The following PCDH15 variants were observed in gnomAD, a reference collection of about 807,000 sequenced individuals.
The protein encoded by PCDH15 is protocadherin related 15.
Under a neutral mutation model 178.5 loss-of-function variants are expected in PCDH15, and 129 were observed. The observed-to-expected ratio is 0.72, with a 90% CI of 0.63 to 0.84. PCDH15 has a LOEUF of 0.84. Among genes scored for constraint, PCDH15 ranks in the 40% least tolerant of loss-of-function variants. PCDH15 has a pLI of 0.00. For missense variants in PCDH15, 2,230 were observed against 2,099.9 expected, an observed-to-expected ratio of 1.06 and a Z score of -1.21; for synonymous variants, 800 against 732.0, an observed-to-expected ratio of 1.09 and a Z score of -1.50.
intron 32 of PCDH15, chr10:53,825,026 C>A: frequency 7.8e-7 from 1 of 1,286,966 alleles, no homozygotes; most frequent in Non-Finnish European, 1.0e-6. Flanking sequence ...GTAAGTGAGT[C>A]TGTGGCAAAA....
At chr10:55,612,190 A>G (rs1162882749) in intron 2 of PCDH15, among the ~76,000 whole-genome samples, 1 of 152,088 alleles carries the variant, frequency 6.6e-6, no homozygotes, top group African/African-American at 2.4e-5. Flanking sequence ...TTCTCACCAT[A>G]AAGTAATGAT....
chr10:55,543,379 G>GTATATATA (rs5785142), intron 2 of PCDH15, among the ~76,000 whole-genome samples: 2,381 of 146,900 alleles, frequency 0.016, 48 homozygotes, highest in Admixed American at 0.062. Flanking sequence ...TATAATGCCT[G>GTATATATA]TATATATATA....
intron 3 of PCDH15, among the ~76,000 whole-genome samples, chr10:54,490,306 T>A (rs1209559488): frequency 6.6e-6 from 1 of 151,696 alleles, no homozygotes; most frequent in Non-Finnish European, 1.5e-5. Context: ...AAAAATTAGA[T>A]GGGCGTGGTG....
At chr10:55,181,688 T>A (rs1311758972) in intron 1 of PCDH15, among the ~76,000 whole-genome samples, 1 of 152,016 alleles carries the variant, frequency 6.6e-6, no homozygotes. Context: ...ATTTTGTGTA[T>A]AAATGCATAT....
chr10:54,986,474 T>C (rs1409418951), intron 2 of PCDH15, among the ~76,000 whole-genome samples: 2 of 152,192 alleles, frequency 1.3e-5, no homozygotes, highest in African/African-American at 2.4e-5. Flanking sequence ...ACTCTGAAAA[T>C]TCAAAATAAA....
At chr10:55,138,101 T>C (rs4935578) in intron 2 of PCDH15, among the ~76,000 whole-genome samples, 28,447 of 152,186 alleles carry the variant, frequency 0.19, 3,244 homozygotes, top group Non-Finnish European at 0.26. Context: ...GAGGGTATTC[T>C]TGCTGCTATA....
chr10:54,243,326 G>A (rs1254883235), intron 8 of PCDH15, among the ~76,000 whole-genome samples: 1 of 152,134 alleles, frequency 6.6e-6, no homozygotes, highest in East Asian at 1.9e-4. Flanking sequence ...GGCTAACACG[G>A]TGAAACCCCT....
intron 18 of PCDH15, among the ~76,000 whole-genome samples, chr10:54,026,382 T>G (rs2093093945): frequency 6.6e-6 from 1 of 152,082 alleles, no homozygotes; most frequent in South Asian, 2.1e-4. Flanking sequence ...ATAGGAGTTT[T>G]TAGAGAAAAT....
At position 54,008,720 on chromosome 10, in the gene PCDH15, T is replaced by A. The variant is rs983316232; in HGVS notation, c.2751+11472A>T. On this transcript the variant is annotated intron_variant, in intron 20 of 37. Coordinates refer to ENST00000644397, the MANE Select transcript of PCDH15 (RefSeq NM_001384140.1). ...GGGGAAATGTCATTAATAGCAAGTCTTTTTTTTCTCTTCTTTGTCCAAAAT... is the reference window on the plus strand; with the variant it reads ...GGGGAAATGTCATTAATAGCAAGTCATTTTTTTCTCTTCTTTGTCCAAAAT... 2.4e-3 allele frequency among the ~76,000 whole-genome samples: 27 copies of A among 11,098 alleles called. No homozygotes were observed. The African/African-American group carries it at 0.027, about 11-fold the overall frequency. The allele number at this position is 11,098 out of a possible 152,430, so 7.3% of individuals were successfully genotyped here. A position where few individuals can be genotyped will look rare whatever the true frequency, so the allele number is the denominator to read the frequency against.
At chr10:54,958,859 A>G (rs531845463) in intron 2 of PCDH15, among the ~76,000 whole-genome samples, 1 of 151,902 alleles carries the variant, frequency 6.6e-6, no homozygotes, top group Admixed American at 6.6e-5. Flanking sequence ...CCCAACATGC[A>G]TATTAAAATG....
intron 28 of PCDH15, among the ~76,000 whole-genome samples, chr10:53,856,163 G>C (rs898328393): frequency 6.6e-6 from 1 of 151,300 alleles, no homozygotes; most frequent in African/African-American, 2.4e-5. Flanking sequence ...AAGACTGTAC[G>C]TTGGGTACAG....
chr10:54,314,583 A>T (rs769849030), intron 8 of PCDH15, among the ~76,000 whole-genome samples: 7 of 152,226 alleles, frequency 4.6e-5, no homozygotes, highest in South Asian at 4.1e-4. Flanking sequence ...GGTTTGTTAC[A>T]TAGGTGAAGT....
chr10:55,483,028 A>T (rs1282397659), intron 2 of PCDH15, among the ~76,000 whole-genome samples: 1 of 151,842 alleles, frequency 6.6e-6, no homozygotes, highest in African/African-American at 2.4e-5. Context: ...CATTAACTCA[A>T]GGTGGATAAA....
chr10:55,454,636 T>A (rs1187925696), intron 2 of PCDH15, among the ~76,000 whole-genome samples: 1 of 93,510 alleles, frequency 1.1e-5, no homozygotes, highest in Non-Finnish European at 2.1e-5. Context: ...AAAAAAAAAA[T>A]TAGCCGGATG....
intron 2 of PCDH15, among the ~76,000 whole-genome samples, chr10:55,410,501 T>A (rs577208697): frequency 3.9e-5 from 6 of 152,238 alleles, no homozygotes; most frequent in Admixed American, 2.6e-4. Context: ...TCAAAGCTGA[T>A]TTGCTGCAGG....
chr10:54,372,553 A>C (rs1468420501), intron 4 of PCDH15, among the ~76,000 whole-genome samples: 1 of 151,896 alleles, frequency 6.6e-6, no homozygotes, highest in African/African-American at 2.4e-5. Flanking sequence ...AGAAGGTCAT[A>C]CATAAAAGTA....
At chr10:53,888,310 G>GTATATA (rs1554845230) in intron 26 of PCDH15, among the ~76,000 whole-genome samples, 1 of 28,712 alleles carries the variant, frequency 3.5e-5, no homozygotes, top group African/African-American at 9.0e-5. Context: ...ATATATATAT[G>GTATATA]TATATATGTA....
At chr10:54,852,016 CAA>C in intron 3 of PCDH15, among the ~76,000 whole-genome samples, 1 of 152,222 alleles carries the variant, frequency 6.6e-6, no homozygotes, top group Non-Finnish European at 1.5e-5. Flanking sequence ...AAGCATATAA[CAA>C]GAGTTTAAAT....
chr10:55,344,950 T>C (rs1011295547), intron 2 of PCDH15, among the ~76,000 whole-genome samples: 1 of 152,068 alleles, frequency 6.6e-6, no homozygotes, highest in Non-Finnish European at 1.5e-5. Flanking sequence ...ATTACAATAG[T>C]ATTTTATCGA....
Sources: gnomAD v4.1 joint callset for allele counts (sites outside exome capture counted in the v4.1 genomes callset) on GRCh38, gnomAD v4.1.1 for gene constraint, MANE v1.5 for transcripts, NCBI Gene and HGNC (gene_info 2026-07-23, HGNC 2026-07-21) for gene names.